The following TBK1 variants were observed in gnomAD, a reference collection of about 807,000 sequenced individuals.
TBK1 encodes serine/threonine-protein kinase TBK1.
TBK1 carries 37 observed loss-of-function variants against 99.9 expected under a neutral mutation model. That is an observed-to-expected ratio of 0.37 (90% CI 0.28 to 0.49). The LOEUF is 0.49. Ranked by LOEUF, TBK1 falls within the 20% of genes least tolerant of loss-of-function variation. TBK1 has a pLI of 0.98. For missense variants in TBK1, 644 were observed against 872.5 expected, an observed-to-expected ratio of 0.74 and a Z score of 3.30; for synonymous variants, 258 against 279.8, an observed-to-expected ratio of 0.92 and a Z score of 0.78.
chr12:64,488,776 G>A (rs1006092002), intron 12 of TBK1, among the ~76,000 whole-genome samples, 188 bp downstream of exon 12: 7 of 152,178 alleles, frequency 4.6e-5, no homozygotes, highest in Non-Finnish European at 8.8e-5. Flanking sequence ...GGTGGATCAC[G>A]AGGTCAAGAA....
intron 8 of TBK1, 104 bp downstream of exon 8, chr12:64,482,125 C>T: frequency 1.4e-6 from 1 of 698,820 alleles, no homozygotes. Context: ...ACCAAAAGTA[C>T]CCATTTCCCA....
intron 5 of TBK1, among the ~76,000 whole-genome samples, chr12:64,470,418 A>G (rs947868827): frequency 6.6e-6 from 1 of 152,220 alleles, no homozygotes; most frequent in African/African-American, 2.4e-5. Flanking sequence ...ATGTAATACT[A>G]CTTTGAATAC....
At chr12:64,474,882 C>T (rs2040696505) in intron 6 of TBK1, among the ~76,000 whole-genome samples, 4 of 152,180 alleles carry the variant, frequency 2.6e-5, no homozygotes, top group Non-Finnish European at 4.4e-5. Context: ...CTTTGGGAGG[C>T]TGAGGGAGGA....
At chr12:64,479,271 T>A (rs1158090700) in intron 6 of TBK1, among the ~76,000 whole-genome samples, 1 of 152,242 alleles carries the variant, frequency 6.6e-6, no homozygotes, top group Non-Finnish European at 1.5e-5. Context: ...TTCACTTCTC[T>A]TTTGCATTAA....
Position 64,484,390 on chromosome 12 carries a change from C to G in TBK1, c.1080C>G (p.Val360=). 6.2e-7 allele frequency: 1 copy of G among 1,614,106 alleles called. No homozygotes were observed. Among genetic ancestry groups the G allele is most frequent in the Non-Finnish European group, 8.5e-7 (1 of 1,180,018 alleles). The change falls in exon 9 of 21, where the codon GTC becomes GTG. Residue 360 remains valine (V), a synonymous_variant. Transcript: ENST00000331710. ...TTATCTACGAAGGGCGACGCTTAGT[C>G]TTAGAACCTGGAAGGCTGGCACAAC... ...QELIYEGRRL[V]LEPGRLAQHF...
At chr12:64,483,827 C>T (rs973695787) in intron 8 of TBK1, among the ~76,000 whole-genome samples, 26 of 152,208 alleles carry the variant, frequency 1.7e-4, no homozygotes, top group African/African-American at 4.1e-4. Flanking sequence ...GCCAGCATGG[C>T]GTAACCCTGT....
rs1296859458 is a variant in TBK1 at position 64,498,030 on chromosome 12, T to A, written c.2129T>A (p.Ile710Asn). ...VVKELAENNH[I>N]LERFGSLTMD... ...AAAGAACTTGCTGAAAATAACCACATTTTAGAAAGGTGAGTAATGCAAAAA... is the reference window on the plus strand; with the variant it reads ...AAAGAACTTGCTGAAAATAACCACAATTTAGAAAGGTGAGTAATGCAAAAA... The change falls in exon 20 of 21, where the codon ATT becomes AAT. Residue 710 changes from isoleucine to asparagine, a missense_variant. Coordinates refer to ENST00000331710, the MANE Select transcript of TBK1 (RefSeq NM_013254.4). 1.3e-6 allele frequency: 2 copies of A among 1,599,766 alleles called. No individual in the cohort carries two copies.
chr12:64,492,314 C>T (rs1051615420), intron 13 of TBK1, among the ~76,000 whole-genome samples: 3 of 151,932 alleles, frequency 2.0e-5, no homozygotes, highest in African/African-American at 7.3e-5. Flanking sequence ...TTTATTTATT[C>T]ATTTATTTTT....
At chr12:64,465,474 G>A (rs926874225) in intron 4 of TBK1, among the ~76,000 whole-genome samples, 2 of 149,234 alleles carry the variant, frequency 1.3e-5, no homozygotes, top group African/African-American at 5.0e-5. Context: ...GTACTCCAGT[G>A]TACTTAGCAG....
intron 6 of TBK1, among the ~76,000 whole-genome samples, chr12:64,476,243 C>T (rs1196679357): frequency 1.1e-4 from 16 of 149,542 alleles, no homozygotes; most frequent in Non-Finnish European, 2.4e-4. Context: ...CTGCAAGCTC[C>T]GCCTCCCTGG....
At chr12:64,499,069 G>A (rs1323015413) in intron 20 of TBK1, among the ~76,000 whole-genome samples, 4 of 119,366 alleles carry the variant, frequency 3.4e-5, no homozygotes, top group East Asian at 2.4e-4. Context: ...CCCCCGAGAC[G>A]GAGTTTCGCT....
At chr12:64,486,400 C>G (rs1042561840) in intron 11 of TBK1, among the ~76,000 whole-genome samples, 8 of 151,980 alleles carry the variant, frequency 5.3e-5, no homozygotes, top group African/African-American at 1.9e-4. Context: ...TACCATTTTC[C>G]CAAATGAAGT....
chr12:64,484,188 C>T, intron 8 of TBK1, 115 bp from the exon 9 acceptor site: 1 of 666,652 alleles, frequency 1.5e-6, no homozygotes, highest in Non-Finnish European at 2.5e-6. Flanking sequence ...TTTATATGGA[C>T]TGGTTATGAT....
intron 20 of TBK1, among the ~76,000 whole-genome samples, chr12:64,500,813 C>T (rs1057041390): frequency 3.0e-5 from 4 of 135,110 alleles, no homozygotes; most frequent in South Asian, 4.7e-4. Context: ...GGCTAGAGTG[C>T]GGTGGCATGA....
intron 19 of TBK1, 103 bp from the exon 20 acceptor site, chr12:64,497,865 A>C: frequency 1.4e-6 from 2 of 1,381,908 alleles, no homozygotes. Flanking sequence ...TACAATGTTT[A>C]ATAAGGTTAT....
intron 4 of TBK1, among the ~76,000 whole-genome samples, chr12:64,466,458 T>C (rs1431994091): frequency 5.3e-5 from 8 of 152,148 alleles, no homozygotes; most frequent in Admixed American, 5.2e-4. Flanking sequence ...TTTTTGCTGT[T>C]TTACATATTG....
chr12:64,458,512 C>CATATATATATATATATATATAT (rs10626258), intron 2 of TBK1, among the ~76,000 whole-genome samples: 19 of 144,156 alleles, frequency 1.3e-4, no homozygotes, highest in African/African-American at 4.6e-4. Context: ...TGGATATATA[C>CATATATATATATATATATATAT]ATATATATAT....
In TBK1 at chr12:64,501,313, T is replaced by TTG. The variant is rs1242765639; in HGVS notation, c.2139-7_2139-6dup. 1 of 1,613,434 alleles carries TTG rather than the reference T, an allele frequency of 6.2e-7. No homozygotes were observed. The highest frequency in any genetic ancestry group is 8.5e-7 in the Non-Finnish European group (1 of 1,179,764). Reference sequence around the variant, plus strand: ...AACTTTTGAGATTACCTTTTTTTCTTTGTGTGTGTGTTTTAGGTTTGGCTC... The same window carrying TTG: ...AACTTTTGAGATTACCTTTTTTTCTTTGTGTGTGTGTGTTTTAGGTTTGGCTC... On this transcript the variant is annotated splice_polypyrimidine_tract_variant and intron_variant, in intron 20 of 20. Coordinates refer to ENST00000331710, the MANE Select transcript of TBK1 (RefSeq NM_013254.4).
rs1010954287 is a variant in TBK1, at chr12:64,486,030, T to C, written c.1340+13T>C. The C allele has an allele frequency of 7.8e-6, 12 of 1,531,666 alleles. No homozygotes were observed. The highest frequency in any genetic ancestry group is 1.4e-5 in the African/African-American group (1 of 71,068). 94.9% of individuals were successfully genotyped at this position (1,531,666 alleles called of 1,614,324 possible). A position where few individuals can be genotyped will look rare whatever the true frequency, so the allele number is the denominator to read the frequency against. ...TACGATGGCTGATGTAAGTAATAGA[T>C]TGAAATTTTGAAATTGATTTTCATG... is the stretch of plus-strand genomic sequence containing the variant. On this transcript the variant is annotated intron_variant, in intron 11 of 20. Transcript: ENST00000331710.
Sources: gnomAD v4.1 joint callset for allele counts (sites outside exome capture counted in the v4.1 genomes callset) on GRCh38, gnomAD v4.1.1 for gene constraint, MANE v1.5 for transcripts, NCBI Gene and HGNC (gene_info 2026-07-23, HGNC 2026-07-21) for gene names.